The following CEP89 variants were observed in gnomAD, a reference collection of about 807,000 sequenced individuals.
The protein encoded by CEP89 is centrosomal protein 89.
A neutral mutation model predicts 97.6 loss-of-function variants in CEP89; 95 were observed. The ratio of observed to expected loss-of-function variants is 0.97; its 90% CI spans 0.82 to 1.15. The LOEUF is 1.15. CEP89 is among the 50% of genes most tolerant of loss of function. The probability of loss-of-function intolerance (pLI) is 0.00; values close to 1 mark genes in which losing one functional copy is unlikely to be tolerated. For missense variants in CEP89, 869 were observed against 947.7 expected (o/e 0.92, Z 1.09); for synonymous variants, 354 against 349.1 (o/e 1.01, Z -0.16).
At chr19:32,886,996 C>A (rs1247689941) in intron 17 of CEP89, among the ~76,000 whole-genome samples, 23 of 133,094 alleles carry the variant, frequency 1.7e-4, no homozygotes, top group Non-Finnish European at 2.8e-4. Context: ...GGCAACATAG[C>A]AAGACCTCAT....
At chr19:32,963,941 AAC>A (rs55691423) in intron 2 of CEP89, 39,800 of 143,052 alleles carry the variant, frequency 0.28, 5,490 homozygotes, top group Non-Finnish European at 0.32. Context: ...CATGCACATG[AAC>A]ACACACACAC....
rs145448602 is a variant in CEP89 at position 32,952,091 on chromosome 19, C to A, written c.492+1524G>T. On this transcript the variant is annotated intron_variant, in intron 4 of 18. Transcript: ENST00000305768. ...GCTGCTTGCTATGAGAAGCCTAATT[C>A]TATGTGTGAAAGTCTGTATATGTGG... Among the ~76,000 whole-genome samples the A allele has an allele frequency of 2.6e-5, 4 of 152,182 alleles. No individual in the cohort carries two copies. In the East Asian group the frequency reaches 7.7e-4, roughly 29 times the overall value.
Position 32,881,865 on chromosome 19 carries a change from T to G in CEP89, c.2114A>C (p.Asp705Ala). The change falls in exon 18 of 19, where the codon GAC becomes GCC. Residue 705 changes from aspartate (D) to alanine (A), a missense_variant. Physicochemically the swap from Asp to Ala is moderately radical, Grantham distance 126 (BLOSUM62 -2). Transcript: ENST00000305768. ...QVLKDKQEVL[D>A]QALQQNREME... ...CCACCTGTTCTGCTGCAGCGCCTGG[T>G]CCAGCACCTCCTGCTTGTCCTTCAG... The G allele has an allele frequency of 6.2e-7, 1 of 1,604,526 alleles. No individual in the cohort carries two copies. The highest frequency in any genetic ancestry group is 8.5e-7 in the Non-Finnish European group (1 of 1,179,116).
intron 10 of CEP89, among the ~76,000 whole-genome samples, chr19:32,926,718 C>T (rs1347158831): frequency 6.6e-6 from 1 of 152,162 alleles, no homozygotes; most frequent in Non-Finnish European, 1.5e-5. Flanking sequence ...TGCACCATCA[C>T]GCCCAGCTAA....
At chr19:32,913,698 T>C (rs1207614272) in intron 14 of CEP89, among the ~76,000 whole-genome samples, 2 of 150,642 alleles carry the variant, frequency 1.3e-5, no homozygotes, top group Non-Finnish European at 3.0e-5. Context: ...GAGTGCAGTA[T>C]TGCAATTTCA....
At position 32,959,942 on chromosome 19, in the gene CEP89, C is replaced by A. The variant is rs1568582429; in HGVS notation, c.263G>T (p.Ser88Ile). The change falls in exon 3 of 19, where the codon AGC (serine) becomes ATC (isoleucine). Residue 88 changes from serine to isoleucine, a missense_variant. Transcript: ENST00000305768. ...GGTGGTGGCATAGGGCTCGATGAAG[C>A]TGTCCTGTTCAACACTGCTCACATC... ...ESDVSSVEQD[S>I]FIEPYATTSQ... The A allele has an allele frequency of 1.2e-6, 2 of 1,614,224 alleles. No individual in the cohort carries two copies. The highest frequency in any genetic ancestry group is 2.7e-5 in the African/African-American group (2 of 75,066).
At chr19:32,925,485 C>CTTTT (rs67751450) in intron 11 of CEP89, among the ~76,000 whole-genome samples, 1 of 120,124 alleles carries the variant, frequency 8.3e-6, no homozygotes, top group Non-Finnish European at 1.7e-5. Flanking sequence ...CCAAATAGCC[C>CTTTT]TTTTTTTTTT....
At chr19:32,944,633 A>C (rs1970758274) in intron 5 of CEP89, among the ~76,000 whole-genome samples, 1 of 152,168 alleles carries the variant, frequency 6.6e-6, no homozygotes, top group African/African-American at 2.4e-5. Context: ...TCACTTGACA[A>C]AGCTGTTAAG....
intron 14 of CEP89, among the ~76,000 whole-genome samples, chr19:32,903,767 G>A (rs1026957240): frequency 3.9e-5 from 6 of 152,308 alleles, no homozygotes; most frequent in African/African-American, 1.4e-4. Flanking sequence ...GGGAAAAACA[G>A]AAGAGACCGT....
At chr19:32,924,500 C>T (rs780692872) in intron 11 of CEP89, among the ~76,000 whole-genome samples, 6 of 152,158 alleles carry the variant, frequency 3.9e-5, no homozygotes, top group Admixed American at 1.3e-4. Context: ...TTCCAGCTTC[C>T]GTGTCCTGCG....
At chr19:32,893,828 A>G (rs1028002457) in intron 16 of CEP89, among the ~76,000 whole-genome samples, 3 of 152,250 alleles carry the variant, frequency 2.0e-5, no homozygotes, top group Non-Finnish European at 4.4e-5. Context: ...GAAACAAATG[A>G]AAACTGAAAC....
At chr19:32,899,724 TA>T in intron 16 of CEP89, 132 bp downstream of exon 16, 1 of 798,802 alleles carries the variant, frequency 1.3e-6, no homozygotes. Flanking sequence ...CGAAAATTCC[TA>T]GGTGGAACCA....
Position 32,942,011 on chromosome 19 carries a change from AGTCTTCTAT to A in CEP89, c.596-2135_596-2127del, listed in dbSNP as rs1482454071. Reference sequence around the variant, plus strand: ...ATCTGACTGCTTTCATATTTAATGGAGTCTTCTATGTCCCCCTTAAATTCTTCACAAAAT... The same window carrying A: ...ATCTGACTGCTTTCATATTTAATGGAGTCCCCCTTAAATTCTTCACAAAAT... On this transcript the variant is annotated intron_variant, in intron 5 of 18. Transcript: ENST00000305768. Among the ~76,000 whole-genome samples, 4 of 152,310 alleles carry A rather than the reference AGTCTTCTAT, an allele frequency of 2.6e-5. No individual in the cohort carries two copies. The East Asian group carries it at 7.7e-4, about 29-fold the overall frequency.
chr19:32,956,616 C>A (rs1971054863), intron 3 of CEP89, among the ~76,000 whole-genome samples: 1 of 152,132 alleles, frequency 6.6e-6, no homozygotes, highest in Admixed American at 6.6e-5. Context: ...GTCCTCCCAC[C>A]TCAGCCTCTC....
intron 14 of CEP89, among the ~76,000 whole-genome samples, chr19:32,904,093 A>G (rs1444819554): frequency 6.6e-6 from 1 of 152,200 alleles, no homozygotes; most frequent in Non-Finnish European, 1.5e-5. Context: ...CCAGGAGGTC[A>G]AGGCTGGAGC....
chr19:32,934,434 G>T (rs573987802), intron 7 of CEP89, among the ~76,000 whole-genome samples: 1 of 152,190 alleles, frequency 6.6e-6, no homozygotes, highest in East Asian at 1.9e-4. Flanking sequence ...GCTGTTCCAC[G>T]GGGAGATGTG....
At position 32,966,427 on chromosome 19, in the gene CEP89, C is replaced by T. The variant is rs756174737; in HGVS notation, c.79G>A (p.Ala27Thr). 4 of 1,562,382 alleles carry T rather than the reference C, an allele frequency of 2.6e-6. No homozygotes were observed. Among genetic ancestry groups the T allele is most frequent in the Non-Finnish European group, 3.5e-6 (4 of 1,151,724 alleles). ...GTGCGTGGCACAGCTGCCTTCGGAG[C>T]AACGCTGGCTGCAGGTAAAAGGCCA... ...IHGLLPAASV[A>T]PKAAVPRTPP... Residue 27 changes from alanine (A) to threonine (T), a missense_variant, in exon 2 of 19, where the codon GCT (alanine) becomes ACT (threonine). Ala to Thr is a moderately conservative substitution (Grantham distance 58, BLOSUM62 0). Coordinates refer to ENST00000305768, the MANE Select transcript of CEP89 (RefSeq NM_032816.5).
intron 5 of CEP89, among the ~76,000 whole-genome samples, chr19:32,942,502 T>C (rs1242106538): frequency 6.6e-6 from 1 of 152,218 alleles, no homozygotes; most frequent in Non-Finnish European, 1.5e-5. Flanking sequence ...ATAAAAAGTT[T>C]TTAAGGGGCA....
intron 14 of CEP89, among the ~76,000 whole-genome samples, chr19:32,904,190 T>C (rs944305172): frequency 1.3e-5 from 2 of 152,156 alleles, no homozygotes. Context: ...AAAGAAACCA[T>C]GCTAAGGCAT....
Sources: gnomAD v4.1 joint callset for allele counts (sites outside exome capture counted in the v4.1 genomes callset) on GRCh38, gnomAD v4.1.1 for gene constraint, MANE v1.5 for transcripts, NCBI Gene and HGNC (gene_info 2026-07-23, HGNC 2026-07-21) for gene names.